ANKRD26: variants seen among roughly 807,000 people sequenced by gnomAD.
ANKRD26 encodes ankyrin repeat domain 26.
In ANKRD26, 141 loss-of-function variants were observed where a neutral mutation model predicts 208.7. The observed-to-expected ratio is 0.68, with a 90% CI of 0.59 to 0.78. The LOEUF is 0.78. Ranked by LOEUF, ANKRD26 falls within the 30% of genes least tolerant of loss-of-function variation. The pLI, the probability that ANKRD26 is intolerant of heterozygous loss-of-function variation, is 0.00. For synonymous variants in ANKRD26, 636 were observed against 660.4 expected (o/e 0.96, Z 0.57); for missense variants, 1,889 against 1,938.7 (o/e 0.97, Z 0.48).
the ANKRD26 span, among the ~76,000 whole-genome samples, chr10:26,954,397 A>G: frequency 6.6e-6 from 1 of 152,046 alleles, no homozygotes. Flanking sequence ...TTTTATTGAG[A>G]TCCATTGATC....
the ANKRD26 span, among the ~76,000 whole-genome samples, chr10:26,965,357 A>G: frequency 6.6e-6 from 1 of 152,246 alleles, no homozygotes; most frequent in African/African-American, 2.4e-5. Context: ...TCTTTGACAA[A>G]CCTGACAAAA....
chr10:26,990,461 T>C (rs1487389720), downstream of ANKRD26, among the ~76,000 whole-genome samples: 1 of 152,172 alleles, frequency 6.6e-6, no homozygotes, highest in African/African-American at 2.4e-5. Flanking sequence ...GGGCCATTAG[T>C]TCTTGAACCA....
intron 32 of ANKRD26, 35 bp from the exon 33 acceptor site, chr10:27,006,997 G>A (rs766976105): frequency 2.0e-6 from 3 of 1,492,990 alleles, no homozygotes; most frequent in Non-Finnish European, 9.3e-7. Flanking sequence ...TAATGTTTAA[G>A]TTAGACAAGA....
rs59771436 is a variant in ANKRD26, at chr10:27,037,836, TA to T, written c.2559+34del. The T allele has an allele frequency of 0.092, 138,305 of 1,495,766 alleles. 7,775 individuals carry two copies. Among genetic ancestry groups the T allele is most frequent in the East Asian group, 0.27 (10,936 of 40,448 alleles). 92.7% of individuals were successfully genotyped at this position (1,495,766 alleles called of 1,614,324 possible). A position where few individuals can be genotyped will look rare whatever the true frequency, so the allele number is the denominator to read the frequency against. ...TGTGATAATAGTGATGAAATAAAGT[TA>T]AAAATATAAAATTTTTATCAAAAAT... On this transcript the variant is annotated intron_variant, in intron 22 of 33. Transcript: ENST00000376087.
chr10:27,057,935 CAAA>C (rs76921203), intron 15 of ANKRD26, among the ~76,000 whole-genome samples: 4 of 83,836 alleles, frequency 4.8e-5, no homozygotes, highest in Non-Finnish European at 2.4e-5. Context: ...GACTCCATCT[CAAA>C]AAAAAAAAAA....
chr10:27,039,570 TA>T (rs569688166), intron 21 of ANKRD26, among the ~76,000 whole-genome samples: 1 of 151,984 alleles, frequency 6.6e-6, no homozygotes, highest in Admixed American at 6.6e-5. Flanking sequence ...AAGGCCTTTT[TA>T]AAAAAAATTC....
intron 5 of ANKRD26, among the ~76,000 whole-genome samples, chr10:27,083,688 T>C (rs2056009726): frequency 6.6e-6 from 1 of 152,206 alleles, no homozygotes; most frequent in South Asian, 2.1e-4. Context: ...ACAAAAAAAC[T>C]ATGGCTTTAA....
At chr10:26,972,041 C>A (rs1260195815), downstream of ANKRD26, among the ~76,000 whole-genome samples, 1 of 151,906 alleles carries the variant, frequency 6.6e-6, no homozygotes, top group African/African-American at 2.4e-5. Flanking sequence ...CGAGACCATC[C>A]TGGCTAACAC....
the ANKRD26 span, among the ~76,000 whole-genome samples, chr10:26,950,933 C>T: frequency 6.6e-6 from 1 of 151,574 alleles, no homozygotes; most frequent in East Asian, 1.9e-4. Context: ...CAGTGAATGG[C>T]CACTATTTCT....
intron 9 of ANKRD26, among the ~76,000 whole-genome samples, chr10:27,071,158 C>CT (rs1564411968): frequency 3.5e-4 from 45 of 128,706 alleles, no homozygotes; most frequent in African/African-American, 1.1e-3. Flanking sequence ...TTGCTACATT[C>CT]ATTTTTTTTT....
At chr10:27,023,159 T>C (rs896565448) in intron 28 of ANKRD26, among the ~76,000 whole-genome samples, 2 of 151,990 alleles carry the variant, frequency 1.3e-5, no homozygotes, top group African/African-American at 2.4e-5. Flanking sequence ...TGAAACCCTG[T>C]CTCTACTAAA....
chr10:27,024,695 A>C, intron 27 of ANKRD26, 136 bp from the exon 28 acceptor site: 1 of 472,532 alleles, frequency 2.1e-6, no homozygotes, highest in Non-Finnish European at 3.8e-6. Context: ...AATGGCAATA[A>C]GAACGGATTT....
chr10:27,060,321 T>C, intron 15 of ANKRD26, 24 bp downstream of exon 15: 1 of 1,540,758 alleles, frequency 6.5e-7, no homozygotes, highest in Non-Finnish European at 9.0e-7. Context: ...CCTTCCAAGA[T>C]TAAATATATA....
In ANKRD26 at chr10:27,021,933, C is replaced by T. The variant is rs147138582; in HGVS notation, c.4215+625G>A. On this transcript the variant is annotated intron_variant, in intron 29 of 33. Transcript: ENST00000376087. ...ATTTGTGTAAGTTCCTTATAGATGC[C>T]GGATATAAGACCTTTGTTAGATGCA... Among the ~76,000 whole-genome samples the T allele has an allele frequency of 2.5e-3, 384 of 152,042 alleles. 2 individuals carry two copies. The highest frequency in any genetic ancestry group is 8.6e-3 in the African/African-American group (355 of 41,466).
chr10:27,054,494 A>T (rs1024535750), intron 15 of ANKRD26, among the ~76,000 whole-genome samples: 3 of 152,154 alleles, frequency 2.0e-5, no homozygotes, highest in Admixed American at 6.5e-5. Flanking sequence ...CTGAGTCAGG[A>T]AAATCACTTG....
At chr10:26,978,065 C>G (rs1374071301) in intron 5 of ANKRD26, among the ~76,000 whole-genome samples, 1 of 151,926 alleles carries the variant, frequency 6.6e-6, no homozygotes, top group South Asian at 2.1e-4. Context: ...ATTTTAGCAA[C>G]CATCCTTTCT....
At chr10:26,981,659 G>C (rs1450669748) in intron 4 of ANKRD26, among the ~76,000 whole-genome samples, 2 of 152,206 alleles carry the variant, frequency 1.3e-5, no homozygotes, top group East Asian at 3.8e-4. Context: ...TACCCAGCGG[G>C]AGTTTCTAAG....
chr10:27,024,374 G>C, intron 28 of ANKRD26, 73 bp downstream of exon 28: 1 of 819,318 alleles, frequency 1.2e-6, no homozygotes, highest in Non-Finnish European at 2.0e-6. Flanking sequence ...TTTATATCTA[G>C]TTTTGAACAA....
chr10:27,089,821 A>G (rs987212674), intron 4 of ANKRD26, among the ~76,000 whole-genome samples: 2 of 152,050 alleles, frequency 1.3e-5, no homozygotes, highest in Admixed American at 1.3e-4. Context: ...AGAATCCTAC[A>G]TGCATTGCTG....
Sources: gnomAD v4.1 joint callset for allele counts (sites outside exome capture counted in the v4.1 genomes callset) on GRCh38, gnomAD v4.1.1 for gene constraint, MANE v1.5 for transcripts, NCBI Gene and HGNC (gene_info 2026-07-23, HGNC 2026-07-21) for gene names.